ITFG1: variants seen among roughly 807,000 people sequenced by gnomAD.
The protein encoded by ITFG1 is T-cell immunomodulatory protein.
ITFG1 carries 34 observed loss-of-function variants against 81.8 expected under a neutral mutation model. The ratio of observed to expected loss-of-function variants is 0.42; its 90% CI spans 0.32 to 0.55. The LOEUF is 0.55. ITFG1 is among the 20% of genes least tolerant of loss of function. ITFG1 has a pLI of 0.17. For synonymous variants in ITFG1, 285 were observed against 270.6 expected, an observed-to-expected ratio of 1.05 and a Z score of -0.52; for missense variants, 672 against 755.4, an observed-to-expected ratio of 0.89 and a Z score of 1.29.
At chr16:47,220,471 C>A (rs567204874) in intron 13 of ITFG1, among the ~76,000 whole-genome samples, 49 of 152,220 alleles carry the variant, frequency 3.2e-4, no homozygotes, top group African/African-American at 1.1e-3. Context: ...TTCAGAAAAA[C>A]AAATGACAGT....
chr16:47,403,773 C>G (rs1331943995), intron 6 of ITFG1, among the ~76,000 whole-genome samples: 2 of 150,080 alleles, frequency 1.3e-5, no homozygotes, highest in African/African-American at 2.5e-5. Context: ...CACACACACA[C>G]ACACACACAC....
intron 8 of ITFG1, among the ~76,000 whole-genome samples, chr16:47,350,374 A>C (rs1967932877): frequency 2.0e-5 from 3 of 152,302 alleles, no homozygotes; most frequent in East Asian, 3.8e-4. Flanking sequence ...AAAAATGATA[A>C]AGGGGATATC....
intron 6 of ITFG1, among the ~76,000 whole-genome samples, chr16:47,420,063 C>T (rs754078705): frequency 7.3e-5 from 11 of 151,632 alleles, no homozygotes; most frequent in East Asian, 5.8e-4. Flanking sequence ...ATTACAGGCA[C>T]GAGCCACCAT....
rs1308617782 is a variant in ITFG1, at chr16:47,161,738, C to T, written c.1661+12G>A. ...AGTGTCTTTACCAAATCGGTTCAAGCAAGTACATTACCTTCGAGGGACATT... is the reference window on the plus strand; with the variant it reads ...AGTGTCTTTACCAAATCGGTTCAAGTAAGTACATTACCTTCGAGGGACATT... On this transcript the variant is annotated intron_variant, in intron 16 of 17. Coordinates refer to ENST00000320640, the MANE Select transcript of ITFG1 (RefSeq NM_030790.5). The T allele has an allele frequency of 6.3e-7, 1 of 1,576,480 alleles. No homozygotes were observed. The highest frequency in any genetic ancestry group is 1.1e-5 in the South Asian group (1 of 90,182).
chr16:47,335,159 C>G (rs1355307310), intron 8 of ITFG1, among the ~76,000 whole-genome samples: 1 of 152,084 alleles, frequency 6.6e-6, no homozygotes, highest in Non-Finnish European at 1.5e-5. Flanking sequence ...GAGTTCAAGA[C>G]CAACCTGGCC....
chr16:47,356,824 A>T (rs538376395), intron 8 of ITFG1, among the ~76,000 whole-genome samples: 1 of 152,136 alleles, frequency 6.6e-6, no homozygotes, highest in Admixed American at 6.5e-5. Context: ...GACGTGTTTG[A>T]AAATAGGGCA....
intron 8 of ITFG1, 137 bp downstream of exon 8, chr16:47,365,649 TAG>T (rs1399058387): frequency 1.8e-6 from 1 of 564,484 alleles, no homozygotes; most frequent in Non-Finnish European, 3.2e-6. Context: ...TATTATGGAA[TAG>T]GCATCTTTTG....
chr16:47,335,261 G>A (rs1461620015), intron 8 of ITFG1, among the ~76,000 whole-genome samples: 2 of 152,132 alleles, frequency 1.3e-5, no homozygotes, highest in African/African-American at 4.8e-5. Context: ...GGAGGCTGAG[G>A]CAGGAGAATC....
intron 6 of ITFG1, among the ~76,000 whole-genome samples, chr16:47,398,989 C>T (rs573817231): frequency 6.6e-6 from 1 of 152,306 alleles, no homozygotes; most frequent in South Asian, 2.1e-4. Flanking sequence ...AAGAGTACAT[C>T]CCTCCCTTTA....
intron 8 of ITFG1, among the ~76,000 whole-genome samples, chr16:47,322,118 G>C (rs1175086860): frequency 1.3e-5 from 2 of 150,228 alleles, no homozygotes; most frequent in Admixed American, 6.6e-5. Flanking sequence ...CTATGTTATT[G>C]AAGAGAAGTC....
At chr16:47,404,349 G>T (rs570579314) in intron 6 of ITFG1, among the ~76,000 whole-genome samples, 25 of 152,286 alleles carry the variant, frequency 1.6e-4, no homozygotes, top group Admixed American at 6.5e-4. Flanking sequence ...CTAAGTACTG[G>T]CATGGAATGA....
chr16:47,422,149 G>A (rs988380696), intron 6 of ITFG1, among the ~76,000 whole-genome samples: 1 of 152,190 alleles, frequency 6.6e-6, no homozygotes, highest in Non-Finnish European at 1.5e-5. Flanking sequence ...ACGTGTGCAT[G>A]TGTCTTTATA....
At chr16:47,443,652 AAAACC>A (rs2151615685) in intron 5 of ITFG1, among the ~76,000 whole-genome samples, 1 of 152,288 alleles carries the variant, frequency 6.6e-6, no homozygotes, top group South Asian at 2.1e-4. Context: ...GCAAGGAGAA[AAAACC>A]AAACACCGCA....
intron 13 of ITFG1, among the ~76,000 whole-genome samples, chr16:47,226,296 G>A (rs1425598489): frequency 1.3e-5 from 2 of 152,158 alleles, no homozygotes; most frequent in Non-Finnish European, 2.9e-5. Flanking sequence ...TGCAACCTCC[G>A]CCTCCGGGGT....
At chr16:47,190,152 T>A (rs938865924) in intron 14 of ITFG1, among the ~76,000 whole-genome samples, 3 of 152,080 alleles carry the variant, frequency 2.0e-5, no homozygotes, top group African/African-American at 7.2e-5. Context: ...TGGAGATCTG[T>A]ACCTCTCTGA....
chr16:47,267,340 T>C (rs1457047912), intron 10 of ITFG1, among the ~76,000 whole-genome samples: 1 of 152,166 alleles, frequency 6.6e-6, no homozygotes, highest in Non-Finnish European at 1.5e-5. Flanking sequence ...TCATTTCATA[T>C]AAAAGAGTCA....
At chr16:47,431,997 C>T (rs1198103345) in intron 5 of ITFG1, among the ~76,000 whole-genome samples, 1 of 152,184 alleles carries the variant, frequency 6.6e-6, no homozygotes, top group Non-Finnish European at 1.5e-5. Context: ...CACACTTTTC[C>T]TTCCTAACAG....
chr16:47,237,688 T>C (rs945016735), intron 13 of ITFG1, among the ~76,000 whole-genome samples: 2 of 152,136 alleles, frequency 1.3e-5, no homozygotes, highest in African/African-American at 4.8e-5. Flanking sequence ...ACAAGTGTAA[T>C]GAAATATTAT....
chr16:47,222,000 G>A (rs565784222), intron 13 of ITFG1, among the ~76,000 whole-genome samples: 5 of 151,716 alleles, frequency 3.3e-5, no homozygotes, highest in African/African-American at 7.3e-5. Flanking sequence ...TCTTGCTAGC[G>A]GTCTATCAAT....
Sources: allele counts gnomAD v4.1 joint callset (sites outside exome capture counted in the v4.1 genomes callset), GRCh38; gene constraint gnomAD v4.1.1; transcripts MANE v1.5; gene names NCBI Gene and HGNC (gene_info 2026-07-23, HGNC 2026-07-21).